PKNOX2: variants seen among roughly 807,000 people sequenced by gnomAD.
The protein encoded by PKNOX2 is PBX/knotted 1 homeobox 2, also known as homeobox protein PKNOX2.
In PKNOX2, 14 loss-of-function variants were observed where a neutral mutation model predicts 53.1. The ratio of observed to expected loss-of-function variants is 0.26; its 90% CI spans 0.17 to 0.41. The LOEUF is 0.41. PKNOX2 is among the 10% of genes least tolerant of loss of function. PKNOX2 has a pLI of 1.00. For synonymous variants in PKNOX2, 257 were observed against 242.8 expected (o/e 1.06, Z -0.54); for missense variants, 496 against 602.8 (o/e 0.82, Z 1.85).
At position 125,210,972 on chromosome 11, in the gene PKNOX2, C is replaced by G. The variant is rs1486974301; in HGVS notation, c.-200-24073C>G. ...TGGGCCTCAGTGTCCTTATCCATAA[C>G]ATGTGAATAATAATGTTAATCTTGA... On this transcript the variant is annotated intron_variant, in intron 1 of 12. Coordinates refer to ENST00000298282, the MANE Select transcript of PKNOX2 (RefSeq NM_001382323.2). Among the ~76,000 whole-genome samples, 3 of 152,124 alleles carry G rather than the reference C, an allele frequency of 2.0e-5. No individual in the cohort carries two copies. The East Asian group carries it at 5.8e-4, about 29-fold the overall frequency.
chr11:125,334,451 T>C (rs1325045520), intron 3 of PKNOX2, among the ~76,000 whole-genome samples: 6 of 152,220 alleles, frequency 3.9e-5, no homozygotes, highest in Non-Finnish European at 8.8e-5. Context: ...TCTCAGTTGG[T>C]GAACACGTAG....
chr11:125,289,803 C>G (rs956000316), intron 2 of PKNOX2, among the ~76,000 whole-genome samples: 1 of 152,154 alleles, frequency 6.6e-6, no homozygotes, highest in Admixed American at 6.5e-5. Context: ...AATTGCTGCT[C>G]ACCACTGGCG....
rs558575486 is a variant in PKNOX2 at position 125,257,957 on chromosome 11, A to G, written c.-130+22842A>G. On this transcript the variant is annotated intron_variant, in intron 2 of 12. Transcript: ENST00000298282. The stretch of plus-strand genomic sequence containing the variant: ...AATTTGTTAACCTGCCTTCCCAAGA[A>G]GGAAAAGTGGCAGGCCTCAGGGCAC... 2.3e-3 allele frequency among the ~76,000 whole-genome samples: 354 copies of G among 152,292 alleles called. 1 individual carries two copies. The highest frequency in any genetic ancestry group is 3.9e-3 in the Non-Finnish European group (262 of 68,024).
At chr11:125,214,856 C>T (rs979303076) in intron 1 of PKNOX2, among the ~76,000 whole-genome samples, 16 of 152,052 alleles carry the variant, frequency 1.1e-4, no homozygotes, top group African/African-American at 3.6e-4. Flanking sequence ...GAGAACCCCT[C>T]TCTATCCATA....
At chr11:125,299,718 C>T (rs1236370747) in intron 2 of PKNOX2, among the ~76,000 whole-genome samples, 1 of 152,120 alleles carries the variant, frequency 6.6e-6, no homozygotes, top group Non-Finnish European at 1.5e-5. Flanking sequence ...AAGTCGTTTT[C>T]CTGGGGTCCT....
chr11:125,260,155 G>A (rs1316599711), intron 2 of PKNOX2, among the ~76,000 whole-genome samples: 1 of 152,060 alleles, frequency 6.6e-6, no homozygotes, highest in Non-Finnish European at 1.5e-5. Flanking sequence ...TGGGATTATA[G>A]GTGTGAGCCA....
intron 1 of PKNOX2, among the ~76,000 whole-genome samples, chr11:125,193,350 C>T (rs1252240009): frequency 3.3e-5 from 5 of 152,162 alleles, no homozygotes; most frequent in African/African-American, 7.2e-5. Flanking sequence ...GGCCCTTTCT[C>T]GGCTCTAATT....
At chr11:125,238,241 G>C (rs1942883346) in intron 2 of PKNOX2, among the ~76,000 whole-genome samples, 2 of 152,202 alleles carry the variant, frequency 1.3e-5, no homozygotes, top group Non-Finnish European at 2.9e-5. Context: ...GCTGAGAATG[G>C]CTAACACCAA....
intron 1 of PKNOX2, among the ~76,000 whole-genome samples, chr11:125,200,802 C>G (rs747427079): frequency 2.0e-5 from 3 of 152,208 alleles, no homozygotes; most frequent in African/African-American, 7.2e-5. Context: ...TCCCCAGTGC[C>G]CTTGATGAGG....
chr11:125,356,750 C>G (rs558009988), intron 4 of PKNOX2, among the ~76,000 whole-genome samples: 29 of 152,304 alleles, frequency 1.9e-4, no homozygotes, highest in Middle Eastern at 3.4e-3. Flanking sequence ...CCAGGGGAGG[C>G]AGATATCCTG....
chr11:125,410,594 G>T, intron 8 of PKNOX2, 185 bp from the exon 9 acceptor site: 1 of 649,696 alleles, frequency 1.5e-6, no homozygotes, highest in Non-Finnish European at 2.7e-6. Flanking sequence ...TCCCACCAGA[G>T]GCTCTGTCCT....
At position 125,341,791 on chromosome 11, in the gene PKNOX2, G is replaced by A. The variant is rs905684088; in HGVS notation, c.-22-9493G>A. On this transcript the variant is annotated intron_variant, in intron 3 of 12. Transcript: ENST00000298282. ...ACGAGAGCATCTTAGGTTGGGCGAC[G>A]GAGGGAGTATCTGCTGGGGTGCGAG... Among the ~76,000 whole-genome samples, 48 of 152,280 alleles carry A rather than the reference G, an allele frequency of 3.2e-4. 1 individual carries two copies. The highest frequency in any genetic ancestry group is 9.4e-4 in the African/African-American group (39 of 41,478).
intron 2 of PKNOX2, among the ~76,000 whole-genome samples, chr11:125,260,951 C>T (rs569590738): frequency 1.3e-5 from 2 of 152,314 alleles, no homozygotes; most frequent in East Asian, 1.9e-4. Flanking sequence ...CTACTTTCTG[C>T]TGTGTGGCCT....
chr11:125,284,369 G>T (rs1331780855), intron 2 of PKNOX2, among the ~76,000 whole-genome samples: 1 of 152,154 alleles, frequency 6.6e-6, no homozygotes, highest in Admixed American at 6.5e-5. Flanking sequence ...TGACCTCTCA[G>T]CCCGCTGCTC....
In PKNOX2 at chr11:125,369,962, C is replaced by G. The variant is rs995515909; in HGVS notation, c.227+1977C>G. On this transcript the variant is annotated intron_variant, in intron 5 of 12. Transcript: ENST00000298282. ...TAGAAATGCAGGCTCTTAAGGCTCA[C>G]TCAGGCCTAAGGACTCAATCTGCAT... 3.3e-5 allele frequency among the ~76,000 whole-genome samples: 5 copies of G among 152,280 alleles called. No homozygotes were observed. In the East Asian group the frequency reaches 5.8e-4, roughly 18 times the overall value.
chr11:125,362,093 A>G (rs1951955291), intron 4 of PKNOX2, among the ~76,000 whole-genome samples: 1 of 152,130 alleles, frequency 6.6e-6, no homozygotes, highest in Non-Finnish European at 1.5e-5. Context: ...AGCAGTGAGG[A>G]CGGGGTGGAC....
chr11:125,366,647 G>A (rs1464442303), intron 4 of PKNOX2, among the ~76,000 whole-genome samples: 5 of 152,168 alleles, frequency 3.3e-5, no homozygotes, highest in Non-Finnish European at 5.9e-5. Context: ...GCATCTGAGC[G>A]GAGATCTAAA....
At chr11:125,410,016 G>A (rs1955404689) in intron 7 of PKNOX2, 180 bp from the exon 8 acceptor site, 2 of 766,752 alleles carry the variant, frequency 2.6e-6, no homozygotes, top group South Asian at 2.6e-5. Flanking sequence ...TTTTAATTGA[G>A]CCTTCTTATT....
In PKNOX2 at chr11:125,165,020, G is replaced by A. The variant is rs1219844459; in HGVS notation, c.-201+244G>A. On this transcript the variant is annotated intron_variant, in intron 1 of 12. Coordinates refer to ENST00000298282, the MANE Select transcript of PKNOX2 (RefSeq NM_001382323.2). This position sits in a 1 kb window ranked among gnomAD's most constrained non-coding sequence, Gnocchi z 4.5. Reference sequence around the variant, plus strand: ...GAGCAGCGAGGGACGGCGGGAGCGTGCAGAGAGAAGCTGGGGAAGCGCCGG... The same window carrying A: ...GAGCAGCGAGGGACGGCGGGAGCGTACAGAGAGAAGCTGGGGAAGCGCCGG... Among the ~76,000 whole-genome samples, 1 of 151,462 alleles carries A rather than the reference G, an allele frequency of 6.6e-6. No homozygotes were observed. Among genetic ancestry groups the A allele is most frequent in the Non-Finnish European group, 1.5e-5 (1 of 67,786 alleles).
Sources: allele counts gnomAD v4.1 joint callset (sites outside exome capture counted in the v4.1 genomes callset), GRCh38; gene constraint gnomAD v4.1.1; non-coding constraint Gnocchi (gnomAD v3.1); transcripts MANE v1.5; gene names NCBI Gene and HGNC (gene_info 2026-07-23, HGNC 2026-07-21).